SLC9A9: variants seen among roughly 807,000 people sequenced by gnomAD.
SLC9A9 encodes sodium/hydrogen exchanger 9.
Under a neutral mutation model 77.8 loss-of-function variants are expected in SLC9A9, and 62 were observed. The ratio of observed to expected loss-of-function variants is 0.80; its 90% CI spans 0.65 to 0.98. The LOEUF (loss-of-function observed/expected upper bound fraction) is 0.98, where lower values mean the gene tolerates loss of function less well. Ranked by LOEUF, SLC9A9 falls within the 50% of genes least tolerant of loss-of-function variation. The pLI is 0.00. For synonymous variants in SLC9A9, 320 were observed against 283.5 expected, an observed-to-expected ratio of 1.13 and a Z score of -1.29; for missense variants, 775 against 774.9, an observed-to-expected ratio of 1.00 and a Z score of 0.00.
chr3:143,600,249 A>C (rs1170967236), intron 6 of SLC9A9, among the ~76,000 whole-genome samples: 2 of 152,014 alleles, frequency 1.3e-5, no homozygotes, highest in East Asian at 1.9e-4. Flanking sequence ...CTCTTTGTTC[A>C]ACTCCCACCT....
At chr3:143,815,283 G>A (rs1203272290) in intron 2 of SLC9A9, among the ~76,000 whole-genome samples, 1 of 152,092 alleles carries the variant, frequency 6.6e-6, no homozygotes, top group African/African-American at 2.4e-5. Context: ...ATTTCTCCAG[G>A]TGTTTACCAA....
At chr3:143,807,033 G>A (rs962093765) in intron 2 of SLC9A9, among the ~76,000 whole-genome samples, 12 of 152,272 alleles carry the variant, frequency 7.9e-5, no homozygotes, top group South Asian at 6.2e-4. Context: ...CTGGCTCTCC[G>A]AGGAAGTGAA....
At position 143,676,206 on chromosome 3, in the gene SLC9A9, C is replaced by A. The variant is rs1370948539; in HGVS notation, c.649+16986G>T. Among the ~76,000 whole-genome samples the A allele has an allele frequency of 2.6e-5, 4 of 152,264 alleles. No homozygotes were observed. The East Asian group carries it at 7.7e-4, about 29-fold the overall frequency. On this transcript the variant is annotated intron_variant, in intron 5 of 15. Transcript: ENST00000316549. ...ATGCTGGCTGGCCTGCCACTCACCT[C>A]CTGCTGTGCAGCTTGGTTCCTAACA...
At chr3:143,725,244 T>C (rs1423706927) in intron 4 of SLC9A9, among the ~76,000 whole-genome samples, 1 of 152,152 alleles carries the variant, frequency 6.6e-6, no homozygotes, top group Non-Finnish European at 1.5e-5. Context: ...CAACAGGTGC[T>C]GGAAAGGATG....
chr3:143,497,219 C>T (rs1281340922), intron 9 of SLC9A9, among the ~76,000 whole-genome samples: 1 of 152,008 alleles, frequency 6.6e-6, no homozygotes, highest in Non-Finnish European at 1.5e-5. Flanking sequence ...TTCTTTTGTC[C>T]CCATCCCAAC....
At chr3:143,295,296 T>G (rs1368222643) in intron 14 of SLC9A9, among the ~76,000 whole-genome samples, 1 of 152,236 alleles carries the variant, frequency 6.6e-6, no homozygotes, top group Non-Finnish European at 1.5e-5. Context: ...CTCTGTTACT[T>G]GTTTCTTTTC....
At chr3:143,275,211 A>G (rs993395906) in intron 14 of SLC9A9, among the ~76,000 whole-genome samples, 1 of 152,254 alleles carries the variant, frequency 6.6e-6, no homozygotes, top group Non-Finnish European at 1.5e-5. Context: ...TTCTTTTGAC[A>G]TGCAAAGTTG....
intron 9 of SLC9A9, among the ~76,000 whole-genome samples, chr3:143,535,065 C>G (rs1474739136): frequency 6.6e-6 from 1 of 152,060 alleles, no homozygotes. Flanking sequence ...GGGTGGACAA[C>G]AGAAATTAAA....
chr3:143,826,862 A>G (rs868103142), intron 2 of SLC9A9, among the ~76,000 whole-genome samples: 85 of 152,256 alleles, frequency 5.6e-4, no homozygotes, highest in African/African-American at 2.0e-3. Context: ...TACCCTTAAT[A>G]AGAGACCATA....
intron 4 of SLC9A9, among the ~76,000 whole-genome samples, chr3:143,748,852 C>T (rs1051488832): frequency 2.0e-4 from 31 of 151,340 alleles, no homozygotes; most frequent in Admixed American, 8.5e-4. Context: ...TACAGGCGCC[C>T]GCCACCGCGC....
At chr3:143,297,751 T>C (rs555772415) in intron 14 of SLC9A9, among the ~76,000 whole-genome samples, 1 of 152,364 alleles carries the variant, frequency 6.6e-6, no homozygotes, top group Non-Finnish European at 1.5e-5. Flanking sequence ...TATTTTTTGA[T>C]GCCATTATAA....
chr3:143,757,836 TA>T (rs1158353221), intron 4 of SLC9A9, among the ~76,000 whole-genome samples: 1 of 151,436 alleles, frequency 6.6e-6, no homozygotes, highest in Non-Finnish European at 1.5e-5. Flanking sequence ...GAAAGGGGGG[TA>T]GTATGAAGAG....
chr3:143,547,805 A>G (rs35147096), intron 9 of SLC9A9, among the ~76,000 whole-genome samples: 4,357 of 151,260 alleles, frequency 0.029, 90 homozygotes, highest in Middle Eastern at 0.078. Flanking sequence ...ACTCCTAGCT[A>G]CTCTTCCCTG....
chr3:143,471,187 G>C (rs1309134627), intron 11 of SLC9A9, among the ~76,000 whole-genome samples: 1 of 152,148 alleles, frequency 6.6e-6, no homozygotes, highest in Non-Finnish European at 1.5e-5. Flanking sequence ...CTGGAAGCAC[G>C]GGGCTGAGAA....
chr3:143,530,617 C>A (rs2036490861), intron 9 of SLC9A9, among the ~76,000 whole-genome samples: 1 of 151,996 alleles, frequency 6.6e-6, no homozygotes, highest in Admixed American at 6.6e-5. Context: ...CATGCATTAT[C>A]TCAAGTCCAT....
At chr3:143,271,875 C>T (rs73867302) in intron 14 of SLC9A9, among the ~76,000 whole-genome samples, 1 of 152,118 alleles carries the variant, frequency 6.6e-6, no homozygotes. Context: ...AAATGTGGAG[C>T]TGAGTCTGTT....
chr3:143,479,096 G>A (rs2035529475), intron 11 of SLC9A9, among the ~76,000 whole-genome samples: 1 of 152,104 alleles, frequency 6.6e-6, no homozygotes, highest in South Asian at 2.1e-4. Flanking sequence ...CAATACGTAG[G>A]ACGGTCTGAT....
At chr3:143,609,239 A>G (rs926628700) in intron 6 of SLC9A9, among the ~76,000 whole-genome samples, 1 of 152,294 alleles carries the variant, frequency 6.6e-6, no homozygotes, top group South Asian at 2.1e-4. Context: ...TGTTCCAAAA[A>G]CATTAGATGA....
intron 4 of SLC9A9, among the ~76,000 whole-genome samples, chr3:143,720,314 A>C (rs940781933): frequency 9.2e-5 from 14 of 151,938 alleles, no homozygotes; most frequent in African/African-American, 3.4e-4. Context: ...ATTTCTGTCC[A>C]TATAACTATA....
Sources: allele counts gnomAD v4.1 joint callset (sites outside exome capture counted in the v4.1 genomes callset), GRCh38; gene constraint gnomAD v4.1.1; transcripts MANE v1.5; gene names NCBI Gene and HGNC (gene_info 2026-07-23, HGNC 2026-07-21).